The following OR51B5 variants were observed in gnomAD, a reference collection of about 807,000 sequenced individuals.
OR51B5 encodes olfactory receptor family 51 subfamily B member 5.
For missense variants in OR51B5, 456 were observed against 374.6 expected, an observed-to-expected ratio of 1.22 and a Z score of -1.79; for synonymous variants, 186 against 144.8, an observed-to-expected ratio of 1.28 and a Z score of -2.04.
At chr11:5,414,642 G>C (rs1442496215) in intron 1 of OR51B5, among the ~76,000 whole-genome samples, 4 of 151,968 alleles carry the variant, frequency 2.6e-5, no homozygotes, top group Non-Finnish European at 5.9e-5. Context: ...CCTAGTCTCT[G>C]ATAAAACAGA....
At chr11:5,390,169 C>CTG (rs1321124666) in intron 1 of OR51B5, 2 of 1,613,918 alleles carry the variant, frequency 1.2e-6, no homozygotes, top group Non-Finnish European at 1.7e-6. Context: ...CCGCTCCTCT[C>CTG]TGTGCTGTGC....
chr11:5,441,706 C>T (rs1430385825), intron 1 of OR51B5, among the ~76,000 whole-genome samples: 3 of 152,138 alleles, frequency 2.0e-5, no homozygotes, highest in Non-Finnish European at 2.9e-5. Context: ...CCACCAGGGC[C>T]CTGCTCACTA....
intron 1 of OR51B5, among the ~76,000 whole-genome samples, chr11:5,503,677 G>C (rs1846331089): frequency 6.6e-6 from 1 of 152,128 alleles, no homozygotes; most frequent in South Asian, 2.1e-4. Flanking sequence ...AGGAAGTGTA[G>C]TATTAGATAA....
At position 5,386,665 on chromosome 11, in the gene OR51B5, A is replaced by C. The variant is rs534219063; in HGVS notation, n.85-39755T>G. Among the ~76,000 whole-genome samples the C allele has an allele frequency of 2.0e-4, 31 of 152,150 alleles. No homozygotes were observed. The South Asian group carries it at 6.3e-3, about 31-fold the overall frequency. ...GGTGGCTGCAGTAGAGGATGGACCA[A>C]GGGAAGGAGGAGCCTGGCTTTGCAT... On this transcript the variant is annotated intron_variant and non_coding_transcript_variant, in intron 1 of 4. Coordinates refer to the OR51B5 transcript ENST00000415970.
chr11:5,436,204 T>C (rs1400577265), intron 1 of OR51B5, among the ~76,000 whole-genome samples: 2 of 152,120 alleles, frequency 1.3e-5, no homozygotes. Context: ...TAGAGACGGG[T>C]TGGGATCAGT....
chr11:5,498,865 T>C (rs1305653838), intron 1 of OR51B5, among the ~76,000 whole-genome samples: 2 of 152,204 alleles, frequency 1.3e-5, no homozygotes, highest in African/African-American at 4.8e-5. Context: ...AATGAGTTTC[T>C]GTTTTGCCAC....
At chr11:5,445,918 T>C (rs920584960) in intron 1 of OR51B5, among the ~76,000 whole-genome samples, 2 of 151,970 alleles carry the variant, frequency 1.3e-5, no homozygotes, top group Admixed American at 6.6e-5. Context: ...AGAAATCAAA[T>C]GCAGCCATAA....
chr11:5,441,516 G>C, intron 1 of OR51B5: 1 of 1,608,172 alleles, frequency 6.2e-7, no homozygotes. Flanking sequence ...ACCCAGCATG[G>C]TGGGAGAATA....
intron 1 of OR51B5, chr11:5,393,171 T>A (rs1849822439): frequency 6.6e-6 from 1 of 152,204 alleles, no homozygotes; most frequent in Non-Finnish European, 1.5e-5. Context: ...CTCACAGTTC[T>A]AAATCCATCT....
At chr11:5,394,361 A>G (rs1418948048) in intron 1 of OR51B5, among the ~76,000 whole-genome samples, 1 of 152,154 alleles carries the variant, frequency 6.6e-6, no homozygotes, top group Non-Finnish European at 1.5e-5. Context: ...TGTAGTTTTA[A>G]CTATGCTCCA....
rs1297114279 is a variant in OR51B5, at chr11:5,489,328, C to T, written n.84+16241G>A. 3 of 1,613,930 alleles carry T rather than the reference C, an allele frequency of 1.9e-6. No homozygotes were observed. The East Asian group carries it at 6.7e-5, about 36-fold the overall frequency. ...TGTCTATGGGCTAACTGTGGCTCTG[C>T]TGGCCATGGGACTGGATTCCATTCT... On this transcript the variant is annotated intron_variant and non_coding_transcript_variant, in intron 1 of 4. Transcript: ENST00000415970.
In OR51B5 at chr11:5,360,701, T is replaced by C. The variant is rs1034101609; in HGVS notation, n.85-13791A>G. ...AAAGACACATGCACATGTATGTTTA[T>C]TGTGGCACTATTCACAATAGCAAAG... On this transcript the variant is annotated intron_variant and non_coding_transcript_variant, in intron 1 of 4. Transcript: ENST00000415970. 3.3e-5 allele frequency among the ~76,000 whole-genome samples: 5 copies of C among 151,788 alleles called. No individual in the cohort carries two copies. In the East Asian group the frequency reaches 9.7e-4, roughly 29 times the overall value.
At chr11:5,444,373 A>G (rs1180689183) in intron 1 of OR51B5, among the ~76,000 whole-genome samples, 1 of 152,166 alleles carries the variant, frequency 6.6e-6, no homozygotes, top group Non-Finnish European at 1.5e-5. Flanking sequence ...TCTATAAATG[A>G]TGCAGCAGTA....
intron 1 of OR51B5, among the ~76,000 whole-genome samples, chr11:5,409,785 C>T (rs920203023): frequency 9.9e-5 from 15 of 152,028 alleles, no homozygotes; most frequent in Non-Finnish European, 1.9e-4. Context: ...ACTGGTAAAA[C>T]GCATCAATCC....
At chr11:5,472,209 G>C (rs902368445) in intron 1 of OR51B5, among the ~76,000 whole-genome samples, 1 of 152,212 alleles carries the variant, frequency 6.6e-6, no homozygotes, top group Non-Finnish European at 1.5e-5. Flanking sequence ...GCACCAACTA[G>C]ATGGGGGATG....
intron 1 of OR51B5, among the ~76,000 whole-genome samples, chr11:5,451,656 CA>C (rs1850850916): frequency 6.6e-6 from 1 of 152,192 alleles, no homozygotes; most frequent in Non-Finnish European, 1.5e-5. Flanking sequence ...CCCCATTCCA[CA>C]ACCTCTGTTA....
At chr11:5,377,462 G>T (rs1420019884) in intron 1 of OR51B5, among the ~76,000 whole-genome samples, 2 of 152,130 alleles carry the variant, frequency 1.3e-5, no homozygotes, top group African/African-American at 2.4e-5. Flanking sequence ...TCTGGCCAGG[G>T]CAATTAGGCA....
Position 5,407,461 on chromosome 11 carries a change from A to G in OR51B5, n.85-60551T>C, listed in dbSNP as rs142319298. 3.9e-5 allele frequency among the ~76,000 whole-genome samples: 6 copies of G among 152,250 alleles called. No individual in the cohort carries two copies. The East Asian group carries it at 7.7e-4, about 20-fold the overall frequency. The stretch of plus-strand genomic sequence containing the variant: ...CTTCCTCTGTAATCAGTTGGGCTCT[A>G]TATCTCTTTGCTCTGCAAAATCAGT... On this transcript the variant is annotated intron_variant and non_coding_transcript_variant, in intron 1 of 4. Transcript: ENST00000415970.
intron 1 of OR51B5, among the ~76,000 whole-genome samples, chr11:5,413,963 C>T (rs1345593174): frequency 6.8e-6 from 1 of 146,764 alleles, no homozygotes; most frequent in Non-Finnish European, 1.5e-5. Flanking sequence ...AGAAGAGCAA[C>T]TCCAAGACAC....
Sources: allele counts gnomAD v4.1 joint callset (sites outside exome capture counted in the v4.1 genomes callset), GRCh38; gene constraint gnomAD v4.1.1; transcripts MANE v1.5; gene names NCBI Gene and HGNC (gene_info 2026-07-23, HGNC 2026-07-21).